Variants in SRPK1 observed in about 807,000 individuals in gnomAD.
SRPK1 encodes SRSF protein kinase 1, also known as SFRS protein kinase 1.
A neutral mutation model predicts 89.5 loss-of-function variants in SRPK1; 52 were observed. The ratio of observed to expected loss-of-function variants is 0.58; its 90% CI spans 0.46 to 0.73. The LOEUF is 0.73. Among genes scored for constraint, SRPK1 ranks in the 30% least tolerant of loss-of-function variants. The pLI is 0.00. For synonymous variants in SRPK1, 255 were observed against 270.2 expected (o/e 0.94, Z 0.55); for missense variants, 603 against 780.6 (o/e 0.77, Z 2.71).
intron 15 of SRPK1, among the ~76,000 whole-genome samples, chr6:35,837,351 C>G (rs1014759887): frequency 4.6e-5 from 7 of 152,158 alleles, no homozygotes; most frequent in African/African-American, 1.7e-4. Context: ...TTAGACCAAA[C>G]GCCAGCAAAA....
At chr6:35,915,995 T>C (rs1382922634) in intron 2 of SRPK1, among the ~76,000 whole-genome samples, 7 of 54,658 alleles carry the variant, frequency 1.3e-4, no homozygotes, top group African/African-American at 2.0e-4. Context: ...AAAAAAAATA[T>C]ATACACACAC....
At chr6:35,919,714 A>G (rs1311368902) in intron 2 of SRPK1, among the ~76,000 whole-genome samples, 1 of 152,212 alleles carries the variant, frequency 6.6e-6, no homozygotes, top group Admixed American at 6.5e-5. Context: ...CGATAGCACT[A>G]AACTACTGTT....
intron 2 of SRPK1, among the ~76,000 whole-genome samples, chr6:35,910,762 A>G (rs1484155751): frequency 6.6e-6 from 1 of 152,224 alleles, no homozygotes; most frequent in Non-Finnish European, 1.5e-5. Flanking sequence ...TTACAATCAC[A>G]AAAATCTTAG....
intron 13 of SRPK1, among the ~76,000 whole-genome samples, chr6:35,849,060 T>C (rs1051073179): frequency 6.6e-6 from 1 of 151,888 alleles, no homozygotes; most frequent in African/African-American, 2.4e-5. Context: ...AACCTATGGG[T>C]TGGGAAAAAA....
chr6:35,851,681 T>C (rs1490486636), intron 13 of SRPK1, among the ~76,000 whole-genome samples: 1 of 152,126 alleles, frequency 6.6e-6, no homozygotes, highest in Non-Finnish European at 1.5e-5. Context: ...ATTTGAGATA[T>C]TTATCAGATA....
At chr6:35,920,107 AAG>A (rs1184989771) in intron 2 of SRPK1, 1 of 470,854 alleles carries the variant, frequency 2.1e-6, no homozygotes. Flanking sequence ...GGGAGCAGGT[AAG>A]AGAGACCAGA....
At chr6:35,851,532 A>T (rs1386239717) in intron 13 of SRPK1, among the ~76,000 whole-genome samples, 1 of 152,200 alleles carries the variant, frequency 6.6e-6, no homozygotes, top group Non-Finnish European at 1.5e-5. Flanking sequence ...CTAGGTGTAG[A>T]CAAAGGAAAA....
intron 2 of SRPK1, among the ~76,000 whole-genome samples, chr6:35,900,211 G>C (rs1016882280): frequency 7.9e-5 from 12 of 152,028 alleles, no homozygotes; most frequent in African/African-American, 2.9e-4. Flanking sequence ...AACTGTTAGT[G>C]TAAGAAGCTC....
chr6:35,849,315 CTGT>C (rs1275882480), intron 13 of SRPK1, among the ~76,000 whole-genome samples: 2 of 152,082 alleles, frequency 1.3e-5, no homozygotes, highest in Non-Finnish European at 2.9e-5. Flanking sequence ...GTCAGAATGG[CTGT>C]TATCACAAAG....
At chr6:35,838,864 C>G (rs745555163) in intron 14 of SRPK1, 11 of 1,335,506 alleles carry the variant, frequency 8.2e-6, no homozygotes, top group Non-Finnish European at 1.1e-5. Flanking sequence ...CTATGAATAG[C>G]TTTTTCAAGG....
intron 12 of SRPK1, 142 bp from the exon 13 acceptor site, chr6:35,857,510 T>C: frequency 1.5e-6 from 1 of 655,386 alleles, no homozygotes; most frequent in Non-Finnish European, 2.6e-6. Flanking sequence ...TTAAACAGCA[T>C]TTTTATGTTA....
rs747202686 is a variant in SRPK1 at position 35,869,935 on chromosome 6, A to G, written c.992-34T>C. The stretch of plus-strand genomic sequence containing the variant: ...CAAACGAACAAAAAAAGATATATGC[A>G]TATGTGTGTGAGTGAAAGAACAGAA... On this transcript the variant is annotated intron_variant, in intron 10 of 15. Transcript: ENST00000373825. 2.0e-5 allele frequency: 30 copies of G among 1,513,170 alleles called. No individual in the cohort carries two copies. In the Middle Eastern group the frequency reaches 8.9e-4, roughly 45 times the overall value. 93.7% of individuals were successfully genotyped at this position (1,513,170 alleles called of 1,614,324 possible). A position where few individuals can be genotyped will look rare whatever the true frequency, so the allele number is the denominator to read the frequency against.
chr6:35,844,906 C>T (rs931742453), intron 13 of SRPK1, among the ~76,000 whole-genome samples: 8 of 151,998 alleles, frequency 5.3e-5, no homozygotes, highest in African/African-American at 1.7e-4. Context: ...GAGCCAGCCG[C>T]GGCAGTGCTA....
intron 5 of SRPK1, chr6:35,887,798 T>C: frequency 2.8e-6 from 1 of 361,162 alleles, no homozygotes; most frequent in Non-Finnish European, 4.9e-6. Flanking sequence ...GGTTTTTTTT[T>C]GGTTCATGCG....
At chr6:35,914,864 T>C (rs1771053975) in intron 2 of SRPK1, among the ~76,000 whole-genome samples, 1 of 152,010 alleles carries the variant, frequency 6.6e-6, no homozygotes, top group Non-Finnish European at 1.5e-5. Context: ...AGTGGTACGA[T>C]GTTGGCTCAC....
intron 7 of SRPK1, 84 bp downstream of exon 7, chr6:35,874,149 A>C (rs778972568): frequency 4.2e-5 from 51 of 1,200,652 alleles, no homozygotes; most frequent in Non-Finnish European, 5.8e-5. Context: ...TTCTATTGGA[A>C]AAAATAAAGT....
At chr6:35,877,799 C>A (rs1042061997) in intron 6 of SRPK1, among the ~76,000 whole-genome samples, 2 of 150,698 alleles carry the variant, frequency 1.3e-5, no homozygotes, top group Non-Finnish European at 2.9e-5. Flanking sequence ...GCAACCACTG[C>A]ACCACTGCAC....
chr6:35,920,822 C>T, intron 1 of SRPK1: 2 of 489,548 alleles, frequency 4.1e-6, no homozygotes, highest in Admixed American at 4.5e-5. Context: ...GCCGGCCTGG[C>T]GGGGAACAAG....
chr6:35,839,266 T>C (rs1769250467), intron 14 of SRPK1, among the ~76,000 whole-genome samples: 2 of 152,190 alleles, frequency 1.3e-5, no homozygotes, highest in Non-Finnish European at 2.9e-5. Context: ...TCCTCCTGCC[T>C]TGGCCTCCCG....
Sources: allele counts gnomAD v4.1 joint callset (sites outside exome capture counted in the v4.1 genomes callset), GRCh38; gene constraint gnomAD v4.1.1; transcripts MANE v1.5; gene names NCBI Gene and HGNC (gene_info 2026-07-23, HGNC 2026-07-21).